The following OPN3 variants were observed in gnomAD, a reference collection of about 807,000 sequenced individuals.
The protein encoded by OPN3 is opsin-3.
In OPN3, 29 loss-of-function variants were observed where a neutral mutation model predicts 33.8. The observed-to-expected ratio is 0.86, with a 90% confidence interval of 0.64 to 1.17. The LOEUF is 1.17. OPN3 is among the 50% of genes most tolerant of loss of function. The pLI is 0.00. For missense variants in OPN3, 437 were observed against 514.1 expected, an observed-to-expected ratio of 0.85 and a Z score of 1.45; for synonymous variants, 216 against 216.1, an observed-to-expected ratio of 1.00 and a Z score of 0.00.
intron 1 of OPN3, chr1:241,633,625 T>C: frequency 2.9e-6 from 2 of 692,622 alleles, no homozygotes; most frequent in Non-Finnish European, 4.8e-6. Flanking sequence ...CACTCATTGA[T>C]AGGTTAACAA....
At chr1:241,634,284 A>G (rs1664778227) in intron 1 of OPN3, 4 of 1,614,016 alleles carry the variant, frequency 2.5e-6, no homozygotes, top group East Asian at 2.2e-5. Context: ...GTTGAAGAAC[A>G]TAATTCTGTG....
At chr1:241,636,543 G>A (rs374991062) in intron 1 of OPN3, among the ~76,000 whole-genome samples, 19 of 152,102 alleles carry the variant, frequency 1.2e-4, no homozygotes, top group African/African-American at 3.9e-4. Context: ...ACCTTTCCAT[G>A]CCACAACCAC....
intron 1 of OPN3, chr1:241,634,862 G>T (rs771644188): frequency 6.2e-7 from 1 of 1,609,812 alleles, no homozygotes; most frequent in South Asian, 1.1e-5. Flanking sequence ...TAAACAAAAT[G>T]TGAGAAATTT....
intron 1 of OPN3, among the ~76,000 whole-genome samples, chr1:241,626,409 C>T (rs1200836888): frequency 1.5e-5 from 2 of 134,158 alleles, no homozygotes; most frequent in Non-Finnish European, 3.1e-5. Flanking sequence ...ATTTCCAGTG[C>T]AATTCTCATC....
intron 2 of OPN3, chr1:241,600,581 A>G (rs933207787): frequency 5.9e-5 from 9 of 152,194 alleles, no homozygotes; most frequent in African/African-American, 2.2e-4. Context: ...GTAGATTTTC[A>G]AAGAATTTCA....
At chr1:241,624,877 T>C (rs538394405) in intron 1 of OPN3, among the ~76,000 whole-genome samples, 1 of 151,932 alleles carries the variant, frequency 6.6e-6, no homozygotes, top group South Asian at 2.1e-4. Context: ...AGCTGTGTGA[T>C]CTTGGTCAAG....
intron 3 of OPN3, chr1:241,595,018 T>A (rs1663458210): frequency 9.4e-6 from 2 of 213,324 alleles, no homozygotes; most frequent in Non-Finnish European, 1.8e-5. Flanking sequence ...AAATATTCAG[T>A]GGGCATCTAC....
rs180804077 is a variant in OPN3, at chr1:241,609,823, G to T, written c.374-5244C>A. 5.9e-5 allele frequency among the ~76,000 whole-genome samples: 9 copies of T among 152,300 alleles called. No homozygotes were observed. The East Asian group carries it at 1.7e-3, about 29-fold the overall frequency. Reference sequence around the variant, plus strand: ...TATTGCAAGAGTGCCTTGGACTCTGGGGTGTGGAGCCAGGACCAAGAGGTG... The same window carrying T: ...TATTGCAAGAGTGCCTTGGACTCTGTGGTGTGGAGCCAGGACCAAGAGGTG... On this transcript the variant is annotated intron_variant, in intron 1 of 3. Coordinates refer to ENST00000366554, the MANE Select transcript of OPN3 (RefSeq NM_014322.3).
At chr1:241,619,864 ATCT>A (rs1180208489) in intron 1 of OPN3, among the ~76,000 whole-genome samples, 4 of 152,364 alleles carry the variant, frequency 2.6e-5, no homozygotes, top group South Asian at 4.1e-4. Context: ...GTGTGTCTAA[ATCT>A]TCTTTAAATG....
intron 1 of OPN3, chr1:241,634,297 C>T: frequency 1.2e-6 from 2 of 1,613,836 alleles, no homozygotes; most frequent in Non-Finnish European, 8.5e-7. Context: ...ATTCTGTGAC[C>T]CGTACAGCAC....
At chr1:241,614,978 T>C (rs1180329269) in intron 1 of OPN3, among the ~76,000 whole-genome samples, 2 of 152,202 alleles carry the variant, frequency 1.3e-5, no homozygotes, top group Non-Finnish European at 2.9e-5. Flanking sequence ...AGGACCTCAT[T>C]AGAACTTTTT....
intron 2 of OPN3, chr1:241,600,604 A>T (rs1465889327): frequency 6.6e-6 from 1 of 152,218 alleles, no homozygotes; most frequent in Admixed American, 6.5e-5. Context: ...GTGAATCTTC[A>T]TTCTCAAGTG....
chr1:241,639,975 C>G lies in OPN3; in HGVS notation c.280G>C (p.Gly94Arg). The G allele has an allele frequency of 1.2e-6, 2 of 1,612,244 alleles. No individual in the cohort carries two copies. Among genetic ancestry groups the G allele is most frequent in the Non-Finnish European group, 1.7e-6 (2 of 1,179,304 alleles). ...CAGGACACGAAGGTAAAGGTGACCC[C>G]GAAGAGGGACACCAGCAGGTCGCTG... ...SLSDLLVSLF[G>R]VTFTFVSCLR... Residue 94 changes from glycine (G) to arginine (R), a missense_variant, in exon 1 of 4, where the codon GGG (glycine) becomes CGG (arginine). Transcript: ENST00000366554.
At chr1:241,626,525 T>C (rs1022259136) in intron 1 of OPN3, among the ~76,000 whole-genome samples, 1 of 152,198 alleles carries the variant, frequency 6.6e-6, no homozygotes, top group Non-Finnish European at 1.5e-5. Context: ...GTACAGCTCA[T>C]TTCTCCATAA....
chr1:241,604,250 T>C lies in OPN3; in HGVS notation c.693+10A>G. ...GTTTGGGAGGGGGGCATCTGTAGTC[T>C]TCAACTCACCATTCGAATGGAATAT... On this transcript the variant is annotated intron_variant, in intron 2 of 3. Transcript: ENST00000366554. The C allele has an allele frequency of 6.2e-7, 1 of 1,611,534 alleles. No homozygotes were observed. Among genetic ancestry groups the C allele is most frequent in the Non-Finnish European group, 8.5e-7 (1 of 1,178,314 alleles).
At chr1:241,599,187 T>A in intron 2 of OPN3, among the ~76,000 whole-genome samples, 1 of 152,066 alleles carries the variant, frequency 6.6e-6, no homozygotes, top group East Asian at 1.9e-4. Flanking sequence ...AATCATTGAT[T>A]TTTTTAGGGT....
chr1:241,597,602 T>G lies in OPN3; in HGVS notation c.945+144A>C, dbSNP rs577830585. The G allele has an allele frequency of 6.1e-5, 44 of 718,028 alleles. No individual in the cohort carries two copies. In the East Asian group the frequency reaches 6.6e-4, roughly 11 times the overall value. 44.5% of individuals were successfully genotyped at this position (718,028 alleles called of 1,614,324 possible). A position where few individuals can be genotyped will look rare whatever the true frequency, so the allele number is the denominator to read the frequency against. On this transcript the variant is annotated intron_variant, in intron 3 of 3. Transcript: ENST00000366554. Reference sequence around the variant, plus strand: ...TGATTTTCTTTGGAAATATTCTACATTTCTTCCAGATCCCTTTAATTCCTA... The same window carrying G: ...TGATTTTCTTTGGAAATATTCTACAGTTCTTCCAGATCCCTTTAATTCCTA...
chr1:241,603,534 A>C (rs1454670676), intron 2 of OPN3, among the ~76,000 whole-genome samples: 1 of 152,088 alleles, frequency 6.6e-6, no homozygotes, highest in Non-Finnish European at 1.5e-5. Context: ...TAGATGATTG[A>C]ACTGATCTAG....
intron 1 of OPN3, among the ~76,000 whole-genome samples, chr1:241,621,907 A>T (rs1362419278): frequency 1.3e-5 from 2 of 152,100 alleles, no homozygotes; most frequent in Non-Finnish European, 2.9e-5. Flanking sequence ...AGGCAGGGTA[A>T]AGAGTGTTTC....
Sources: allele counts gnomAD v4.1 joint callset (sites outside exome capture counted in the v4.1 genomes callset), GRCh38; gene constraint gnomAD v4.1.1; transcripts MANE v1.5; gene names NCBI Gene and HGNC (gene_info 2026-07-23, HGNC 2026-07-21).